Variants in KCND3 observed in about 807,000 individuals in gnomAD.
KCND3 encodes potassium voltage-gated channel subfamily D member 3, also known as A-type voltage-gated potassium channel KCND3.
Under a neutral mutation model 51.1 loss-of-function variants are expected in KCND3, and 9 were observed. That is an observed-to-expected ratio of 0.18 (90% confidence interval 0.11 to 0.31). The LOEUF is 0.31. Ranked by LOEUF, KCND3 falls within the 10% of genes least tolerant of loss-of-function variation. The pLI is 1.00. For synonymous variants in KCND3, 349 were observed against 368.0 expected (o/e 0.95, Z 0.59); for missense variants, 526 against 903.8 (o/e 0.58, Z 5.36).
intron 2 of KCND3, among the ~76,000 whole-genome samples, chr1:111,892,681 T>C (rs1669885473): frequency 6.6e-6 from 1 of 152,136 alleles, no homozygotes; most frequent in African/African-American, 2.4e-5. Context: ...TAACAATGGG[T>C]AATGTGATCG....
chr1:111,928,588 T>C (rs1292387892), intron 2 of KCND3, among the ~76,000 whole-genome samples: 11 of 152,206 alleles, frequency 7.2e-5, no homozygotes, highest in Admixed American at 6.5e-4. Context: ...GAGGTTAAGA[T>C]GAACTTTCAC....
intron 2 of KCND3, among the ~76,000 whole-genome samples, chr1:111,968,085 C>T (rs1571918355): frequency 6.6e-6 from 1 of 152,134 alleles, no homozygotes. Flanking sequence ...ACACACAATG[C>T]GTGGGGGTGA....
chr1:111,928,067 C>T (rs1002583837), intron 2 of KCND3, among the ~76,000 whole-genome samples: 16 of 152,294 alleles, frequency 1.1e-4, no homozygotes, highest in Admixed American at 3.3e-4. Context: ...TTCTCCATAG[C>T]GCACTTACCA....
At chr1:111,945,910 T>A (rs1275854213) in intron 2 of KCND3, among the ~76,000 whole-genome samples, 1 of 152,218 alleles carries the variant, frequency 6.6e-6, no homozygotes, top group Non-Finnish European at 1.5e-5. Flanking sequence ...TGGCGTCAGA[T>A]GGACTGGGCT....
chr1:111,983,694 A>G (rs572447298), intron 1 of KCND3, among the ~76,000 whole-genome samples: 124 of 152,038 alleles, frequency 8.2e-4, no homozygotes, highest in African/African-American at 2.9e-3. Flanking sequence ...CCCACCATCC[A>G]TAACTCCCTC....
chr1:111,987,375 C>T (rs1041779297), intron 1 of KCND3, among the ~76,000 whole-genome samples: 1 of 152,176 alleles, frequency 6.6e-6, no homozygotes, highest in African/African-American at 2.4e-5. Flanking sequence ...TTACCCCATG[C>T]GTGAATCCAG....
chr1:111,934,162 C>T (rs1216936120), intron 2 of KCND3, among the ~76,000 whole-genome samples: 1 of 152,158 alleles, frequency 6.6e-6, no homozygotes, highest in Non-Finnish European at 1.5e-5. Flanking sequence ...GCTGTCTCCT[C>T]ACCTGTAAAA....
At chr1:111,932,857 T>G (rs1372026687) in intron 2 of KCND3, among the ~76,000 whole-genome samples, 1 of 152,236 alleles carries the variant, frequency 6.6e-6, no homozygotes, top group Non-Finnish European at 1.5e-5. Flanking sequence ...TATGGTGGTA[T>G]GCATTGCTCT....
chr1:111,777,759 A>C (rs1276722520), intron 6 of KCND3, among the ~76,000 whole-genome samples: 1 of 152,196 alleles, frequency 6.6e-6, no homozygotes, highest in Non-Finnish European at 1.5e-5. Flanking sequence ...CATTCACAGA[A>C]TTGGGAGAGC....
intron 2 of KCND3, among the ~76,000 whole-genome samples, chr1:111,887,411 C>CCA (rs1669618492): frequency 6.6e-6 from 1 of 152,054 alleles, no homozygotes; most frequent in Non-Finnish European, 1.5e-5. Context: ...GGTGGTCATA[C>CCA]CAGAGAAGGA....
chr1:111,779,913 G>A (rs1359251298), intron 5 of KCND3, among the ~76,000 whole-genome samples: 1 of 152,254 alleles, frequency 6.6e-6, no homozygotes, highest in Non-Finnish European at 1.5e-5. Context: ...TGTCAGAACT[G>A]AGAAACTGAT....
At chr1:111,958,907 G>A (rs894484291) in intron 2 of KCND3, among the ~76,000 whole-genome samples, 5 of 152,164 alleles carry the variant, frequency 3.3e-5, no homozygotes, top group South Asian at 2.1e-4. Context: ...AGAGGCTGCC[G>A]GAGGCCATAT....
In KCND3 at chr1:111,870,625, A is replaced by C. The variant is rs1421369198; in HGVS notation, c.1107-83519T>G. Among the ~76,000 whole-genome samples, 5 of 152,206 alleles carry C rather than the reference A, an allele frequency of 3.3e-5. No homozygotes were observed. In the East Asian group the frequency reaches 9.6e-4, roughly 29 times the overall value. On this transcript the variant is annotated intron_variant, in intron 2 of 7. Transcript: ENST00000302127. ...CTTTGATCTGTGCAGAGGGAGCATC[A>C]AGTCCAAGATCTGGAGTAGCAGCCA... is the stretch of plus-strand genomic sequence containing the variant.
In KCND3 at chr1:111,913,464, C is replaced by A. The variant is rs1231730117; in HGVS notation, c.1106+68157G>T. Among the ~76,000 whole-genome samples the A allele has an allele frequency of 2.6e-5, 4 of 152,344 alleles. No individual in the cohort carries two copies. The East Asian group carries it at 7.7e-4, about 29-fold the overall frequency. Reference sequence around the variant, plus strand: ...GCCCTAAACAAAAGGCAGTGCCAGACTTACCCTAAGAGATCTTAAAGCAAG... The same window carrying A: ...GCCCTAAACAAAAGGCAGTGCCAGAATTACCCTAAGAGATCTTAAAGCAAG... On this transcript the variant is annotated intron_variant, in intron 2 of 7. Transcript: ENST00000302127.
At chr1:111,802,731 C>A (rs971412074) in intron 2 of KCND3, among the ~76,000 whole-genome samples, 5 of 152,182 alleles carry the variant, frequency 3.3e-5, no homozygotes, top group African/African-American at 4.8e-5. Flanking sequence ...GGGTCCCCAA[C>A]TTAACTATGG....
intron 2 of KCND3, among the ~76,000 whole-genome samples, chr1:111,863,652 A>T (rs538622385): frequency 1.3e-5 from 2 of 152,306 alleles, no homozygotes; most frequent in African/African-American, 4.8e-5. Flanking sequence ...GTCACAGGGG[A>T]CTTAGGGAGG....
At chr1:111,953,659 T>G (rs1179967079) in intron 2 of KCND3, among the ~76,000 whole-genome samples, 3 of 152,172 alleles carry the variant, frequency 2.0e-5, no homozygotes, top group Admixed American at 6.5e-5. Flanking sequence ...GGCTTCCTCA[T>G]GATTATGTGG....
At chr1:111,809,910 C>T (rs1415558589) in intron 2 of KCND3, among the ~76,000 whole-genome samples, 1 of 152,148 alleles carries the variant, frequency 6.6e-6, no homozygotes, top group Non-Finnish European at 1.5e-5. Context: ...CTCTAGAAGC[C>T]TCTTCATTCA....
intron 2 of KCND3, among the ~76,000 whole-genome samples, chr1:111,965,875 C>G (rs918288383): frequency 2.6e-5 from 4 of 152,168 alleles, no homozygotes; most frequent in Non-Finnish European, 5.9e-5. Context: ...CAGCAATGGA[C>G]CGGTATATGT....
Sources: allele counts gnomAD v4.1 joint callset (sites outside exome capture counted in the v4.1 genomes callset), GRCh38; gene constraint gnomAD v4.1.1; transcripts MANE v1.5; gene names NCBI Gene and HGNC (gene_info 2026-07-23, HGNC 2026-07-21).